MRPL30: variants seen among roughly 807,000 people sequenced by gnomAD.
The protein encoded by MRPL30 is mitochondrial ribosomal protein L30.
MRPL30 carries 10 observed loss-of-function variants against 17.2 expected under a neutral mutation model. The observed-to-expected ratio is 0.58, with a 90% CI of 0.36 to 0.99. The LOEUF is 0.99. MRPL30 is among the 50% of genes least tolerant of loss of function. The probability of loss-of-function intolerance (pLI) is 0.01; values close to 1 mark genes in which losing one functional copy is unlikely to be tolerated. For synonymous variants in MRPL30, 61 were observed against 62.1 expected, an observed-to-expected ratio of 0.98 and a Z score of 0.08; for missense variants, 170 against 189.8, an observed-to-expected ratio of 0.90 and a Z score of 0.61.
At position 99,195,755 on chromosome 2, in the gene MRPL30, T is replaced by G; in HGVS notation, c.*50T>G. 1.2e-6 allele frequency: 2 copies of G among 1,607,386 alleles called. No homozygotes were observed. The highest frequency in any genetic ancestry group is 1.7e-6 in the Non-Finnish European group (2 of 1,178,556). ...AATGCAAATTGTTTTTATTTAAAGA[T>G]GGTGAGAAAGTGTTTTCATTAAAAT... On this transcript the variant is annotated 3_prime_UTR_variant, in exon 6 of 6. Coordinates refer to ENST00000338148, the MANE Select transcript of MRPL30 (RefSeq NM_145212.4).
intron 4 of MRPL30, 28 bp downstream of exon 4, chr2:99,194,925 T>G (rs765047018): frequency 4.6e-6 from 7 of 1,531,426 alleles, no homozygotes; most frequent in African/African-American, 2.8e-5. Context: ...TCATCTTTAG[T>G]GTTGTTTACA....
intron 3 of MRPL30, among the ~76,000 whole-genome samples, chr2:99,190,067 G>C (rs1173853716): frequency 6.6e-6 from 1 of 152,084 alleles, no homozygotes; most frequent in Non-Finnish European, 1.5e-5. Context: ...TAAGGCTGCA[G>C]TGACCTATAA....
At chr2:99,185,726 T>C (rs749752222) in intron 1 of MRPL30, 4 of 431,010 alleles carry the variant, frequency 9.3e-6, no homozygotes, top group South Asian at 5.0e-5. Context: ...ACTTTATTGA[T>C]AGCTGGATGC....
chr2:99,197,580 C>G lies in MRPL30; in HGVS notation c.*1875C>G, dbSNP rs758774651. The G allele has an allele frequency of 6.6e-6, 1 of 152,092 alleles. No individual in the cohort carries two copies. The highest frequency in any genetic ancestry group is 2.4e-5 in the African/African-American group (1 of 41,390). The allele number at this position is 152,092 out of a possible 1,614,324, so 9.4% of individuals were successfully genotyped here. A position where few individuals can be genotyped will look rare whatever the true frequency, so the allele number is the denominator to read the frequency against. ...TACAGTGTCCTTGCTTATGTGGGGT[C>G]GAAGACATCTGTGAAAATAAAAGCA... On this transcript the variant is annotated 3_prime_UTR_variant, in exon 6 of 6. Coordinates refer to ENST00000338148, the MANE Select transcript of MRPL30 (RefSeq NM_145212.4).
At chr2:99,194,974 C>T in intron 4 of MRPL30, 77 bp downstream of exon 4, 1 of 1,384,792 alleles carries the variant, frequency 7.2e-7, no homozygotes, top group Non-Finnish European at 9.7e-7. Context: ...TTGCGGTATA[C>T]ATTTATTATT....
intron 3 of MRPL30, 36 bp downstream of exon 3, chr2:99,188,293 T>C: frequency 1.3e-6 from 2 of 1,502,472 alleles, no homozygotes; most frequent in South Asian, 2.5e-5. Context: ...ATGTTAGTGT[T>C]GTTTTAAAAA....
At position 99,199,185 on chromosome 2, in the gene MRPL30, A is replaced by G. The variant is rs1032456338; in HGVS notation, c.*3480A>G. Among the ~76,000 whole-genome samples the G allele has an allele frequency of 6.6e-6, 1 of 152,104 alleles. No homozygotes were observed. The highest frequency in any genetic ancestry group is 1.5e-5 in the Non-Finnish European group (1 of 68,014). ...GTAGTATCCCTTCCTTCCTTTCCAT[A>G]CTTTGAGAATTAATAAGGACTAGCT... On this transcript the variant is annotated 3_prime_UTR_variant, in exon 6 of 6. Transcript: ENST00000338148.
At chr2:99,195,363 G>C in intron 5 of MRPL30, 174 bp downstream of exon 5, 1 of 722,520 alleles carries the variant, frequency 1.4e-6, no homozygotes, top group Non-Finnish European at 2.2e-6. Flanking sequence ...ACATAGTGAC[G>C]TTTCAATATA....
Position 99,197,373 on chromosome 2 carries a change from G to A in MRPL30, c.*1668G>A, listed in dbSNP as rs1258773071. 6 of 152,096 alleles carry A rather than the reference G, an allele frequency of 3.9e-5. 1 individual carries two copies. The highest frequency in any genetic ancestry group is 1.3e-4 in the Admixed American group (2 of 15,278). The allele number at this position is 152,096 out of a possible 1,614,324, so 9.4% of individuals were successfully genotyped here. On this transcript the variant is annotated 3_prime_UTR_variant, in exon 6 of 6. Coordinates refer to ENST00000338148, the MANE Select transcript of MRPL30 (RefSeq NM_145212.4). ...AGATCTTAATGTTTTTGATCGTTGC[G>A]TTAAAGTGGAAGTGCCACCCACAGT...
chr2:99,191,032 G>A (rs1222165009), intron 3 of MRPL30, among the ~76,000 whole-genome samples: 4 of 150,834 alleles, frequency 2.7e-5, no homozygotes, highest in Non-Finnish European at 5.9e-5. Flanking sequence ...TTTGGAGACG[G>A]AGTCTCGCTC....
intron 2 of MRPL30, 56 bp downstream of exon 2, chr2:99,186,310 A>T: frequency 6.8e-7 from 1 of 1,480,538 alleles, no homozygotes; most frequent in Non-Finnish European, 9.4e-7. Flanking sequence ...TTTTTTTTTT[A>T]ATCATTACAA....
At position 99,197,225 on chromosome 2, in the gene MRPL30, T is replaced by C. The variant is rs1476555779; in HGVS notation, c.*1520T>C. On this transcript the variant is annotated 3_prime_UTR_variant, in exon 6 of 6. Coordinates refer to ENST00000338148, the MANE Select transcript of MRPL30 (RefSeq NM_145212.4). ...TAGTGGGGAATTCTGTGACAGCTGA[T>C]TGAAGATGATGATGAAGAACCTCTG... is the stretch of plus-strand genomic sequence containing the variant. 1 of 152,164 alleles carries C rather than the reference T, an allele frequency of 6.6e-6. No homozygotes were observed. The highest frequency in any genetic ancestry group is 1.5e-5 in the Non-Finnish European group (1 of 68,032). The allele number at this position is 152,164 out of a possible 1,614,324, so 9.4% of individuals were successfully genotyped here. A position where few individuals can be genotyped will look rare whatever the true frequency, so the allele number is the denominator to read the frequency against.
At chr2:99,193,538 T>C (rs2093950436) in intron 3 of MRPL30, among the ~76,000 whole-genome samples, 1 of 152,170 alleles carries the variant, frequency 6.6e-6, no homozygotes, top group Non-Finnish European at 1.5e-5. Context: ...TTAGAAACAG[T>C]ATTTATAGAA....
At chr2:99,194,725 A>T (rs754902606) in intron 3 of MRPL30, 26 bp from the exon 4 acceptor site, 8 of 1,559,728 alleles carry the variant, frequency 5.1e-6, no homozygotes, top group Non-Finnish European at 6.0e-6. Context: ...TTGGAAATTT[A>T]CCATTTATAA....
At chr2:99,195,437 CTTCATGTTGGG>C in intron 5 of MRPL30, 125 bp from the exon 6 acceptor site, 1 of 1,059,658 alleles carries the variant, frequency 9.4e-7, no homozygotes, top group South Asian at 1.6e-5. Flanking sequence ...TTTACCATTT[CTTCATGTTGGG>C]AACATTCAAC....
chr2:99,186,078 C>A, intron 1 of MRPL30, 99 bp from the exon 2 acceptor site: 1 of 709,940 alleles, frequency 1.4e-6, no homozygotes, highest in Non-Finnish European at 2.4e-6. Context: ...GTTAAGTTTA[C>A]AATTAATTTG....
At chr2:99,194,049 A>G (rs1383866070) in intron 3 of MRPL30, among the ~76,000 whole-genome samples, 1 of 151,996 alleles carries the variant, frequency 6.6e-6, no homozygotes, top group African/African-American at 2.4e-5. Flanking sequence ...AAAAAAAAAA[A>G]AAAGAATTTG....
At chr2:99,183,911 C>T (rs2093929904) in intron 1 of MRPL30, among the ~76,000 whole-genome samples, 1 of 152,174 alleles carries the variant, frequency 6.6e-6, no homozygotes, top group Admixed American at 6.5e-5. Context: ...TTAACTGTGA[C>T]AGTTTCTCAG....
rs2093957169 is a variant in MRPL30 at position 99,197,685 on chromosome 2, G to C, written c.*1980G>C. 6.6e-6 allele frequency: 1 copy of C among 152,310 alleles called. No individual in the cohort carries two copies. Among genetic ancestry groups the C allele is most frequent in the South Asian group, 2.1e-4 (1 of 4,834 alleles). The allele number at this position is 152,310 out of a possible 1,614,324, so 9.4% of individuals were successfully genotyped here. A position where few individuals can be genotyped will look rare whatever the true frequency, so the allele number is the denominator to read the frequency against. On this transcript the variant is annotated 3_prime_UTR_variant, in exon 6 of 6. Coordinates refer to ENST00000338148, the MANE Select transcript of MRPL30 (RefSeq NM_145212.4). The stretch of plus-strand genomic sequence containing the variant: ...AGACAGGGTCTCACTCTGTCGCCCA[G>C]CCTGGAGGGCAGTGGTGTGATCGTA...
Sources: allele counts gnomAD v4.1 joint callset (sites outside exome capture counted in the v4.1 genomes callset), GRCh38; gene constraint gnomAD v4.1.1; transcripts MANE v1.5; gene names NCBI Gene and HGNC (gene_info 2026-07-23, HGNC 2026-07-21).